Variants in TMED7 observed in about 807,000 individuals in gnomAD.
The protein encoded by TMED7 is transmembrane p24 trafficking protein 7.
A neutral mutation model predicts 23.4 loss-of-function variants in TMED7; 8 were observed. That is an observed-to-expected ratio of 0.34 (90% CI 0.20 to 0.62). The LOEUF is 0.62. Among genes scored for constraint, TMED7 ranks in the 20% least tolerant of loss-of-function variants. The pLI is 0.77. For missense variants in TMED7, 232 were observed against 279.1 expected (o/e 0.83, Z 1.20); for synonymous variants, 121 against 108.5 (o/e 1.12, Z -0.72).
At chr5:115,621,506 T>G (rs1049693373) in intron 1 of TMED7, among the ~76,000 whole-genome samples, 1 of 152,172 alleles carries the variant, frequency 6.6e-6, no homozygotes, top group Non-Finnish European at 1.5e-5. Flanking sequence ...CAGTACTTAA[T>G]GGCAAACATA....
rs1756543167 is a variant in TMED7, at chr5:115,613,320, G to A, written c.*2889C>T. ...CTTTCAGTAAGGAATGCAAAGAGAAGGTTACAAATTAGGCAGTACAGACGT... is the reference window on the plus strand; with the variant it reads ...CTTTCAGTAAGGAATGCAAAGAGAAAGTTACAAATTAGGCAGTACAGACGT... On this transcript the variant is annotated 3_prime_UTR_variant, in exon 3 of 3. Transcript: ENST00000456936. Among the ~76,000 whole-genome samples, 1 of 152,140 alleles carries A rather than the reference G, an allele frequency of 6.6e-6. No homozygotes were observed. Among genetic ancestry groups the A allele is most frequent in the Admixed American group, 6.5e-5 (1 of 15,286 alleles).
At chr5:115,623,598 C>A (rs1171167214) in intron 1 of TMED7, among the ~76,000 whole-genome samples, 1 of 152,154 alleles carries the variant, frequency 6.6e-6, no homozygotes, top group East Asian at 1.9e-4. Flanking sequence ...TTTTCAATGC[C>A]ATGCACAAAT....
chr5:115,622,801 CTT>C (rs1757076264), intron 1 of TMED7, among the ~76,000 whole-genome samples: 1 of 152,196 alleles, frequency 6.6e-6, no homozygotes, highest in Non-Finnish European at 1.5e-5. Flanking sequence ...TTCAGAACCT[CTT>C]TTATTCACAC....
chr5:115,617,501 C>G (rs1450885726), intron 2 of TMED7, among the ~76,000 whole-genome samples: 4 of 151,754 alleles, frequency 2.6e-5, no homozygotes, highest in African/African-American at 9.7e-5. Flanking sequence ...TTTTGTTGTC[C>G]TTGCTTTGTT....
chr5:115,620,361 G>A lies in TMED7; in HGVS notation c.438+74C>T, dbSNP rs944541773. 2.1e-6 allele frequency: 3 copies of A among 1,415,530 alleles called. No individual in the cohort carries two copies. In the African/African-American group the frequency reaches 4.4e-5, roughly 21 times the overall value. 87.7% of individuals were successfully genotyped at this position (1,415,530 alleles called of 1,614,324 possible). On this transcript the variant is annotated intron_variant, in intron 2 of 2. Transcript: ENST00000456936. Reference sequence around the variant, plus strand: ...CTCAAAATTCCATGCTCATCAGTTAGTGCATGATATTAAATTATGCTTTTT... The same window carrying A: ...CTCAAAATTCCATGCTCATCAGTTAATGCATGATATTAAATTATGCTTTTT...
chr5:115,624,390 C>G (rs1228978356), intron 1 of TMED7, among the ~76,000 whole-genome samples: 1 of 152,128 alleles, frequency 6.6e-6, no homozygotes, highest in Non-Finnish European at 1.5e-5. Context: ...TGCTATCACT[C>G]TACTCTAAGC....
In TMED7 at chr5:115,625,942, G is replaced by A. The variant is rs1271875648; in HGVS notation, c.-150C>T. The A allele has an allele frequency of 4.4e-6, 5 of 1,134,760 alleles. No homozygotes were observed. The East Asian group carries it at 1.3e-4, about 30-fold the overall frequency. 70.3% of individuals were successfully genotyped at this position (1,134,760 alleles called of 1,614,324 possible). ...CGCCTGTGGGAGATTCGGGATCAGA[G>A]CGACCCTCCGGCTTCCTGTGAGGGG... On this transcript the variant is annotated 5_prime_UTR_variant, in exon 1 of 3. Coordinates refer to ENST00000456936, the MANE Select transcript of TMED7 (RefSeq NM_181836.6).
rs753984276 is a variant in TMED7 at position 115,625,637 on chromosome 5, G to A, written c.156C>T (p.Asp52=). Residue 52 remains aspartate, a synonymous_variant, in exon 1 of 3, where the codon GAC becomes GAT. Coordinates refer to ENST00000456936, the MANE Select transcript of TMED7 (RefSeq NM_181836.6). ...GGGTGCACTTGGTGCCCTGAGCGAT[G>A]TCCTCGTAGAAGCACTGCTTGGCGT... ...PDNAKQCFYE[D]IAQGTKCTLE... 2 of 1,600,708 alleles carry A rather than the reference G, an allele frequency of 1.2e-6. No homozygotes were observed. Among genetic ancestry groups the A allele is most frequent in the South Asian group, 1.1e-5 (1 of 89,082 alleles).
In TMED7 at chr5:115,625,632, G is replaced by C. The variant is rs1757175944; in HGVS notation, c.161C>G (p.Ala54Gly). Residue 54 changes from alanine to glycine, a missense_variant, in exon 1 of 3, where the codon GCT (alanine) becomes GGT (glycine). Physicochemically the swap from Ala to Gly is moderately conservative, Grantham distance 60. Coordinates refer to ENST00000456936, the MANE Select transcript of TMED7 (RefSeq NM_181836.6). ...CTCCAGGGTGCACTTGGTGCCCTGA[G>C]CGATGTCCTCGTAGAAGCACTGCTT... is the stretch of plus-strand genomic sequence containing the variant. ...NAKQCFYEDI[A>G]QGTKCTLEFQ... 1.3e-6 allele frequency: 2 copies of C among 1,599,760 alleles called. No homozygotes were observed. Among genetic ancestry groups the C allele is most frequent in the Admixed American group, 3.4e-5 (2 of 58,144 alleles).
rs188854122 is a variant in TMED7 at position 115,614,623 on chromosome 5, G to A, written c.*1586C>T. On this transcript the variant is annotated 3_prime_UTR_variant, in exon 3 of 3. Coordinates refer to ENST00000456936, the MANE Select transcript of TMED7 (RefSeq NM_181836.6). ...AAGGAGTAGCTGGTCTTCAAACACC[G>A]TAAAAAGTTAAAGGGTTGAAAACAT... The A allele has an allele frequency of 3.9e-4, 59 of 152,200 alleles. No homozygotes were observed. The highest frequency in any genetic ancestry group is 1.4e-3 in the African/African-American group (57 of 41,534). The allele number at this position is 152,200 out of a possible 1,614,324, so 9.4% of individuals were successfully genotyped here.
intron 2 of TMED7, chr5:115,620,202 T>C (rs1240257181): frequency 2.2e-6 from 1 of 456,300 alleles, no homozygotes; most frequent in Admixed American, 5.0e-5. Context: ...TCTTCCTCCT[T>C]ATTTTAATGC....
Position 115,614,371 on chromosome 5 carries a change from TA to T in TMED7, c.*1837del, listed in dbSNP as rs1756604322. 6.6e-6 allele frequency: 1 copy of T among 152,546 alleles called. No homozygotes were observed. The highest frequency in any genetic ancestry group is 6.5e-5 in the Admixed American group (1 of 15,278). 9.4% of individuals were successfully genotyped at this position (152,546 alleles called of 1,614,324 possible). A position where few individuals can be genotyped will look rare whatever the true frequency, so the allele number is the denominator to read the frequency against. On this transcript the variant is annotated 3_prime_UTR_variant, in exon 3 of 3. Coordinates refer to ENST00000456936, the MANE Select transcript of TMED7 (RefSeq NM_181836.6). Reference sequence around the variant, plus strand: ...TGCCAAACTCAGCAAGTCTATAACTTACTGTTTAATTATGGTGTAAGTATCT... The same window carrying T: ...TGCCAAACTCAGCAAGTCTATAACTTCTGTTTAATTATGGTGTAAGTATCT...
Position 115,625,548 on chromosome 5 carries a change from C to A in TMED7, c.192+53G>T, listed in dbSNP as rs1161541860. 4 of 1,463,264 alleles carry A rather than the reference C, an allele frequency of 2.7e-6. No individual in the cohort carries two copies. The Admixed American group carries it at 7.3e-5, about 27-fold the overall frequency. 90.6% of individuals were successfully genotyped at this position (1,463,264 alleles called of 1,614,324 possible). On this transcript the variant is annotated intron_variant, in intron 1 of 2. Coordinates refer to ENST00000456936, the MANE Select transcript of TMED7 (RefSeq NM_181836.6). ...GAAAGTGCCATCCCTCAAGTTACAC[C>A]CCCAATCCTGGAGCCGCGAGTTGGG...
At chr5:115,618,140 T>C (rs1373661972) in intron 2 of TMED7, among the ~76,000 whole-genome samples, 1 of 152,144 alleles carries the variant, frequency 6.6e-6, no homozygotes, top group East Asian at 1.9e-4. Flanking sequence ...TCCATATATA[T>C]TCAAAAGTAT....
chr5:115,624,187 G>T (rs1290932454), intron 1 of TMED7, among the ~76,000 whole-genome samples: 1 of 152,236 alleles, frequency 6.6e-6, no homozygotes, highest in African/African-American at 2.4e-5. Flanking sequence ...CAAAGAAAAT[G>T]TCGGCTTATA....
chr5:115,620,392 C>T (rs1234724601), intron 2 of TMED7, 43 bp downstream of exon 2: 1 of 1,450,174 alleles, frequency 6.9e-7, no homozygotes, highest in Non-Finnish European at 9.1e-7. Flanking sequence ...TTTTTTCCTC[C>T]TTTTAAATAT....
In TMED7 at chr5:115,616,059, C is replaced by G. The variant is rs1317994419; in HGVS notation, c.*150G>C. 4 of 779,202 alleles carry G rather than the reference C, an allele frequency of 5.1e-6. No homozygotes were observed. The African/African-American group carries it at 7.0e-5, about 14-fold the overall frequency. 48.3% of individuals were successfully genotyped at this position (779,202 alleles called of 1,614,324 possible). On this transcript the variant is annotated 3_prime_UTR_variant, in exon 3 of 3. Transcript: ENST00000456936. ...CAAATAAAAAAAGGTGTCCTTTCCACAGTTTGGGAATATGCATTGTACATC... is the reference window on the plus strand; with the variant it reads ...CAAATAAAAAAAGGTGTCCTTTCCAGAGTTTGGGAATATGCATTGTACATC...
rs1056546253 is a variant in TMED7 at position 115,614,037 on chromosome 5, A to G, written c.*2172T>C. ...TTCAAACTGCTGCAACAAGTTAGGAAAGGATTAAGGAAAAATGATGAGCTA... is the reference window on the plus strand; with the variant it reads ...TTCAAACTGCTGCAACAAGTTAGGAGAGGATTAAGGAAAAATGATGAGCTA... On this transcript the variant is annotated 3_prime_UTR_variant, in exon 3 of 3. Coordinates refer to ENST00000456936, the MANE Select transcript of TMED7 (RefSeq NM_181836.6). The G allele has an allele frequency of 6.6e-6, 1 of 152,352 alleles. No homozygotes were observed. Among genetic ancestry groups the G allele is most frequent in the Non-Finnish European group, 1.5e-5 (1 of 67,962 alleles). The allele number at this position is 152,352 out of a possible 1,614,324, so 9.4% of individuals were successfully genotyped here.
In TMED7 at chr5:115,625,655, C is replaced by T; in HGVS notation, c.138G>A (p.Lys46=). Residue 46 remains lysine, a synonymous_variant, in exon 1 of 3, where the codon AAG becomes AAA. Transcript: ENST00000456936. ...EITFELPDNA[K]QCFYEDIAQG... Reference sequence around the variant, plus strand: ...GAGCGATGTCCTCGTAGAAGCACTGCTTGGCGTTGTCAGGAAGCTCGAAGG... The same window carrying T: ...GAGCGATGTCCTCGTAGAAGCACTGTTTGGCGTTGTCAGGAAGCTCGAAGG... 1 of 1,602,954 alleles carries T rather than the reference C, an allele frequency of 6.2e-7. No individual in the cohort carries two copies. The highest frequency in any genetic ancestry group is 8.5e-7 in the Non-Finnish European group (1 of 1,175,352).
Sources: gnomAD v4.1 joint callset for allele counts (sites outside exome capture counted in the v4.1 genomes callset) on GRCh38, gnomAD v4.1.1 for gene constraint, MANE v1.5 for transcripts, NCBI Gene and HGNC (gene_info 2026-07-23, HGNC 2026-07-21) for gene names.